Variants in NCKAP5 observed in about 807,000 individuals in gnomAD.
NCKAP5 encodes nck-associated protein 5.
In NCKAP5, 92 loss-of-function variants were observed where a neutral mutation model predicts 167.0. The ratio of observed to expected loss-of-function variants is 0.55; its 90% CI spans 0.47 to 0.66. NCKAP5 has a LOEUF of 0.66. Ranked by LOEUF, NCKAP5 falls within the 30% of genes least tolerant of loss-of-function variation. NCKAP5 has a pLI of 0.00. For synonymous variants in NCKAP5, 891 were observed against 877.4 expected, an observed-to-expected ratio of 1.02 and a Z score of -0.27; for missense variants, 2,378 against 2,315.0, an observed-to-expected ratio of 1.03 and a Z score of -0.56.
At chr2:132,950,596 T>C (rs1470481867) in intron 8 of NCKAP5, among the ~76,000 whole-genome samples, 1 of 152,242 alleles carries the variant, frequency 6.6e-6, no homozygotes, top group Non-Finnish European at 1.5e-5. Flanking sequence ...AAAGGCTGTT[T>C]GTTTTCTTAT....
At chr2:133,256,300 T>C (rs1487393807) in intron 4 of NCKAP5, among the ~76,000 whole-genome samples, 1 of 152,048 alleles carries the variant, frequency 6.6e-6, no homozygotes. Flanking sequence ...AAAATAGAAA[T>C]TACATTGAGG....
At chr2:132,794,031 CT>C (rs1222038119) in intron 12 of NCKAP5, among the ~76,000 whole-genome samples, 1 of 151,384 alleles carries the variant, frequency 6.6e-6, no homozygotes, top group East Asian at 1.9e-4. Flanking sequence ...TAAACTCTGG[CT>C]TTCACTTGCT....
the NCKAP5 span, among the ~76,000 whole-genome samples, chr2:133,650,124 C>T: frequency 1.1e-4 from 17 of 151,580 alleles, no homozygotes; most frequent in East Asian, 1.9e-4. Context: ...ACAATAGCAC[C>T]GAAAAGAATA....
chr2:132,939,673 C>G (rs1697139097), intron 8 of NCKAP5, among the ~76,000 whole-genome samples: 1 of 151,844 alleles, frequency 6.6e-6, no homozygotes, highest in African/African-American at 2.4e-5. Flanking sequence ...GTTCAGTGTA[C>G]CCATCACCCA....
At chr2:132,920,771 GTATATATA>G (rs55895538) in intron 8 of NCKAP5, among the ~76,000 whole-genome samples, 4,186 of 30,968 alleles carry the variant, frequency 0.14, 407 homozygotes, top group South Asian at 0.18. Context: ...ATATATGTAT[GTATATATA>G]TATATATATA....
intron 3 of NCKAP5, among the ~76,000 whole-genome samples, chr2:133,387,577 A>G (rs1687077827): frequency 6.6e-6 from 1 of 152,210 alleles, no homozygotes; most frequent in South Asian, 2.1e-4. Context: ...TATTTCCTGA[A>G]TTTGAATGTT....
the NCKAP5 span, among the ~76,000 whole-genome samples, chr2:133,600,084 T>C: frequency 6.6e-6 from 1 of 152,216 alleles, no homozygotes; most frequent in Non-Finnish European, 1.5e-5. Context: ...TCAGCTCATC[T>C]GTGTCGCGGA....
At chr2:132,789,768 T>G (rs965085325) in intron 13 of NCKAP5, among the ~76,000 whole-genome samples, 15 of 152,190 alleles carry the variant, frequency 9.9e-5, no homozygotes, top group African/African-American at 3.6e-4. Flanking sequence ...TCTTGGCATG[T>G]ATATAAGTAG....
chr2:132,806,415 A>G (rs1323999931), intron 11 of NCKAP5, among the ~76,000 whole-genome samples: 1 of 151,286 alleles, frequency 6.6e-6, no homozygotes, highest in Non-Finnish European at 1.5e-5. Flanking sequence ...TTCCCTGTTC[A>G]CCATATCCAC....
chr2:133,008,341 G>A (rs2078037552), intron 6 of NCKAP5, among the ~76,000 whole-genome samples: 1 of 152,120 alleles, frequency 6.6e-6, no homozygotes, highest in African/African-American at 2.4e-5. Flanking sequence ...GTCCACATAT[G>A]CATTCCCTCT....
At chr2:133,095,932 C>G (rs1479885678) in intron 6 of NCKAP5, among the ~76,000 whole-genome samples, 1 of 152,174 alleles carries the variant, frequency 6.6e-6, no homozygotes, top group African/African-American at 2.4e-5. Flanking sequence ...CCTCTTTGTA[C>G]ACACGGTGGA....
At chr2:132,706,890 T>C (rs559549405) in intron 19 of NCKAP5, among the ~76,000 whole-genome samples, 4 of 152,200 alleles carry the variant, frequency 2.6e-5, no homozygotes, top group Admixed American at 6.5e-5. Flanking sequence ...TGGCATATTA[T>C]GGCGCTTAAG....
chr2:133,138,935 A>T (rs1342989827), intron 5 of NCKAP5, among the ~76,000 whole-genome samples: 2 of 152,184 alleles, frequency 1.3e-5, no homozygotes, highest in Non-Finnish European at 2.9e-5. Context: ...ACTAACCCTC[A>T]GTCACAGTGT....
At chr2:132,806,766 T>C (rs1343992837) in intron 11 of NCKAP5, among the ~76,000 whole-genome samples, 1 of 152,234 alleles carries the variant, frequency 6.6e-6, no homozygotes, top group Non-Finnish European at 1.5e-5. Flanking sequence ...CAAATTTCTT[T>C]AGTTTAATTA....
At chr2:133,242,878 CA>C (rs1379512950) in intron 4 of NCKAP5, among the ~76,000 whole-genome samples, 2 of 152,024 alleles carry the variant, frequency 1.3e-5, no homozygotes, top group African/African-American at 4.8e-5. Context: ...GTACTTTGTA[CA>C]AAAGATCAGA....
intron 19 of NCKAP5, among the ~76,000 whole-genome samples, chr2:132,725,277 C>T (rs1690334817): frequency 6.6e-6 from 1 of 152,190 alleles, no homozygotes; most frequent in Non-Finnish European, 1.5e-5. Flanking sequence ...TGGAAAACTC[C>T]ATCCACAGCT....
intron 16 of NCKAP5, among the ~76,000 whole-genome samples, chr2:132,747,932 T>G (rs765303392): frequency 8.5e-5 from 13 of 152,218 alleles, no homozygotes; most frequent in Non-Finnish European, 1.9e-4. Context: ...TACATGGTTA[T>G]AGTACCTTCT....
At chr2:133,229,127 C>T (rs965533078) in intron 4 of NCKAP5, among the ~76,000 whole-genome samples, 1 of 152,010 alleles carries the variant, frequency 6.6e-6, no homozygotes, top group Non-Finnish European at 1.5e-5. Context: ...AAAAGTGTTT[C>T]AGAAAACAGG....
At chr2:133,088,136 C>A (rs1241594690) in intron 6 of NCKAP5, among the ~76,000 whole-genome samples, 1 of 152,142 alleles carries the variant, frequency 6.6e-6, no homozygotes, top group Non-Finnish European at 1.5e-5. Context: ...ATCTCCAGTT[C>A]AAAGATTAAC....
Sources: gnomAD v4.1 joint callset for allele counts (sites outside exome capture counted in the v4.1 genomes callset) on GRCh38, gnomAD v4.1.1 for gene constraint, MANE v1.5 for transcripts, NCBI Gene and HGNC (gene_info 2026-07-23, HGNC 2026-07-21) for gene names.